The following DSG2 variants were observed in gnomAD, a reference collection of about 807,000 sequenced individuals.
The protein encoded by DSG2 is desmoglein 2, also known as desmoglein-2.
DSG2 carries 45 observed loss-of-function variants against 75.6 expected under a neutral mutation model. That is an observed-to-expected ratio of 0.60 (90% CI 0.47 to 0.76). DSG2 has a LOEUF of 0.76. DSG2 is among the 30% of genes least tolerant of loss of function. The pLI, the probability that DSG2 is intolerant of heterozygous loss-of-function variation, is 0.00. For synonymous variants in DSG2, 429 were observed against 483.9 expected (o/e 0.89, Z 1.49); for missense variants, 1,267 against 1,357.4 (o/e 0.93, Z 1.05).
At chr18:31,506,976 G>A (rs962463353) in intron 1 of DSG2, among the ~76,000 whole-genome samples, 7 of 151,776 alleles carry the variant, frequency 4.6e-5, no homozygotes, top group South Asian at 4.2e-4. Flanking sequence ...TGTGCAGAAC[G>A]TGCAGGTTTG....
intron 10 of DSG2, among the ~76,000 whole-genome samples, chr18:31,535,743 G>A (rs144704590): frequency 6.7e-6 from 1 of 150,358 alleles, no homozygotes; most frequent in Non-Finnish European, 1.5e-5. Context: ...CGGAGATCGC[G>A]CCAGACAAAG....
chr18:31,542,813 T>C lies in DSG2; in HGVS notation c.2295T>C (p.Val765=). 1 of 1,578,736 alleles carries C rather than the reference T, an allele frequency of 6.3e-7. No individual in the cohort carries two copies. The highest frequency in any genetic ancestry group is 1.2e-5 in the South Asian group (1 of 86,786). The change falls in exon 14 of 15, where the codon GTT becomes GTC. Residue 765 remains valine, a synonymous_variant. Transcript: ENST00000261590. ...TGGCCGGAGCTCAGGCAGCTGCTGTTGCACTGAACGAAGAATTCTTAAGAA... is the reference window on the plus strand; with the variant it reads ...TGGCCGGAGCTCAGGCAGCTGCTGTCGCACTGAACGAAGAATTCTTAAGAA... ...RDMAGAQAAA[V]ALNEEFLRNY...
In DSG2 at chr18:31,546,187, T is replaced by A; in HGVS notation, c.2801T>A (p.Ile934Lys). The A allele has an allele frequency of 6.2e-7, 1 of 1,613,964 alleles. No homozygotes were observed. The highest frequency in any genetic ancestry group is 1.6e-4 in the Middle Eastern group (1 of 6,062). Residue 934 changes from isoleucine to lysine, a missense_variant, in exon 15 of 15, where the codon ATA (isoleucine) becomes AAA (lysine). Ile to Lys is a moderately radical substitution (Grantham distance 102, BLOSUM62 -3). Coordinates refer to ENST00000261590, the MANE Select transcript of DSG2 (RefSeq NM_001943.5). Reference sequence around the variant, plus strand: ...GACCCAATGGCTTCTAGAAATGTGATAGCAACAGAAACTTCCTATGTCACA... The same window carrying A: ...GACCCAATGGCTTCTAGAAATGTGAAAGCAACAGAAACTTCCTATGTCACA... ...LPDPMASRNVIATETSYVTGS... is the reference protein window; with the variant it reads ...LPDPMASRNVKATETSYVTGS...
intron 1 of DSG2, among the ~76,000 whole-genome samples, chr18:31,512,188 C>T (rs2073070922): frequency 6.6e-6 from 1 of 152,112 alleles, no homozygotes. Flanking sequence ...CTCAACACCA[C>T]CCCTGTCTCC....
In DSG2 at chr18:31,538,806, G is replaced by T. The variant is rs370097438; in HGVS notation, c.1707G>T (p.Gln569His). Residue 569 changes from glutamine (Q) to histidine (H), a missense_variant, in exon 12 of 15, where the codon CAG becomes CAT. By Grantham distance (24) the Gln-to-His change is conservative. Coordinates refer to ENST00000261590, the MANE Select transcript of DSG2 (RefSeq NM_001943.5). ...AAAAGCTTGGGAGAAGTGAAATTCA[G>T]TTCCTGATTTCAGACAATCAGGGTT... ...SEKKLGRSEI[Q>H]FLISDNQGFS... The T allele has an allele frequency of 1.2e-6, 2 of 1,614,196 alleles. No individual in the cohort carries two copies. Among genetic ancestry groups the T allele is most frequent in the Admixed American group, 3.3e-5 (2 of 60,026 alleles).
chr18:31,524,491 A>G lies in DSG2; in HGVS notation c.734A>G (p.Asn245Ser), dbSNP rs1568106586. The G allele has an allele frequency of 6.2e-7, 1 of 1,614,186 alleles. No individual in the cohort carries two copies. The highest frequency in any genetic ancestry group is 8.5e-7 in the Non-Finnish European group (1 of 1,180,018). Residue 245 changes from asparagine to serine, a missense_variant, in exon 7 of 15, where the codon AAT becomes AGT. Asn to Ser is a conservative substitution (Grantham distance 46). Transcript: ENST00000261590. ...YTLTVEARDG[N>S]GEVTDKPVKQ... is the part of the protein sequence containing the mutation. ...TTGACAGTAGAAGCAAGAGATGGCA[A>G]TGGAGAAGTTACAGACAAACCTGTA...
At chr18:31,525,057 G>A (rs2073155629) in intron 8 of DSG2, among the ~76,000 whole-genome samples, 169 bp downstream of exon 8, 1 of 152,228 alleles carries the variant, frequency 6.6e-6, no homozygotes, top group Non-Finnish European at 1.5e-5. Context: ...TGGTTAGGAA[G>A]TGGTCACACT....
chr18:31,536,075 A>C, intron 10 of DSG2, 127 bp from the exon 11 acceptor site: 1 of 842,610 alleles, frequency 1.2e-6, no homozygotes. Flanking sequence ...TTTGAAACAT[A>C]TCTAGGATAG....
chr18:31,510,583 T>G (rs1423933840), intron 1 of DSG2, among the ~76,000 whole-genome samples: 5 of 151,314 alleles, frequency 3.3e-5, no homozygotes. Context: ...CCCTCATGCC[T>G]CTGCAGGAAA....
intron 1 of DSG2, among the ~76,000 whole-genome samples, chr18:31,503,462 G>A (rs1354586808): frequency 6.6e-6 from 1 of 152,196 alleles, no homozygotes; most frequent in East Asian, 1.9e-4. Context: ...AACATTCATT[G>A]TTGCTTGAAC....
chr18:31,503,109 C>T (rs1158832115), intron 1 of DSG2, among the ~76,000 whole-genome samples: 1 of 152,144 alleles, frequency 6.6e-6, no homozygotes, highest in Non-Finnish European at 1.5e-5. Context: ...CACATGACCC[C>T]TATTTAGTGA....
Position 31,518,236 on chromosome 18 carries a change from C to G in DSG2, c.46-3C>G. The G allele has an allele frequency of 6.2e-7, 1 of 1,611,222 alleles. No homozygotes were observed. Among genetic ancestry groups the G allele is most frequent in the South Asian group, 1.1e-5 (1 of 91,010 alleles). ...CTAAATATCAAATAATTTTATTTTA[C>G]AGATCTGCTTTAACGTTGGAAGTGG... On this transcript the variant is annotated splice_polypyrimidine_tract_variant and splice_region_variant and intron_variant, in intron 1 of 14. Transcript: ENST00000261590.
intron 8 of DSG2, among the ~76,000 whole-genome samples, chr18:31,529,231 T>G (rs895710230): frequency 6.6e-6 from 1 of 152,180 alleles, no homozygotes; most frequent in African/African-American, 2.4e-5. Context: ...CACACAGCGC[T>G]CTTGATACTG....
At chr18:31,521,867 C>G (rs2144317382) in intron 5 of DSG2, among the ~76,000 whole-genome samples, 1 of 152,264 alleles carries the variant, frequency 6.6e-6, no homozygotes, top group South Asian at 2.1e-4. Context: ...TTTCAGGACT[C>G]TACCCTCAGC....
intron 1 of DSG2, among the ~76,000 whole-genome samples, chr18:31,501,229 G>A (rs925393880): frequency 1.3e-5 from 2 of 152,178 alleles, no homozygotes; most frequent in Non-Finnish European, 2.9e-5. Context: ...CTGAGAAGGG[G>A]TTCATAGGCC....
At position 31,522,164 on chromosome 18, in the gene DSG2, C is replaced by G; in HGVS notation, c.605C>G (p.Ser202Cys). ...LNSKISYRIV[S>C]LEPAYPPVFY... is the part of the protein sequence containing the mutation. ...TCGAAAATTTCCTATAGAATCGTAT[C>G]TCTGGAGCCTGCTTATCCTCCAGTG... Residue 202 changes from serine (S) to cysteine (C), a missense_variant, in exon 6 of 15, where the codon TCT becomes TGT. Physicochemically the swap from Ser to Cys is moderately radical, Grantham distance 112. Coordinates refer to ENST00000261590, the MANE Select transcript of DSG2 (RefSeq NM_001943.5). 6.2e-7 allele frequency: 1 copy of G among 1,613,770 alleles called. No individual in the cohort carries two copies. The highest frequency in any genetic ancestry group is 8.5e-7 in the Non-Finnish European group (1 of 1,179,700).
intron 5 of DSG2, among the ~76,000 whole-genome samples, 198 bp from the exon 6 acceptor site, chr18:31,521,885 T>G (rs186948222): frequency 6.6e-6 from 1 of 152,306 alleles, no homozygotes; most frequent in East Asian, 1.9e-4. Flanking sequence ...AGCCTTGCCT[T>G]CATCTTGTTT....
chr18:31,511,788 T>C (rs2073068447), intron 1 of DSG2, among the ~76,000 whole-genome samples: 1 of 152,126 alleles, frequency 6.6e-6, no homozygotes, highest in Admixed American at 6.5e-5. Context: ...GCACTGAATC[T>C]TCACAAACTG....
At position 31,530,951 on chromosome 18, in the gene DSG2, T is replaced by C. The variant is rs368264985; in HGVS notation, c.1015-36T>C. On this transcript the variant is annotated intron_variant, in intron 8 of 14. Transcript: ENST00000261590. ...ATATGTATACATGTCTTCTGTTTTC[T>C]CTTTGAAAAGAATTCCCTTTGGTTT... 3.1e-6 allele frequency: 5 copies of C among 1,609,632 alleles called. No homozygotes were observed. In the African/African-American group the frequency reaches 6.7e-5, roughly 22 times the overall value.
Sources: gnomAD v4.1 joint callset for allele counts (sites outside exome capture counted in the v4.1 genomes callset) on GRCh38, gnomAD v4.1.1 for gene constraint, MANE v1.5 for transcripts, NCBI Gene and HGNC (gene_info 2026-07-23, HGNC 2026-07-21) for gene names.